Variants in SCG5 observed in about 807,000 individuals in gnomAD.
The protein encoded by SCG5 is secretogranin V, also known as neuroendocrine protein 7B2.
SCG5 carries 18 observed loss-of-function variants against 25.7 expected under a neutral mutation model. That is an observed-to-expected ratio of 0.70 (90% CI 0.48 to 1.04). SCG5 has a LOEUF of 1.04. Among genes scored for constraint, SCG5 ranks in the 50% least tolerant of loss-of-function variants. SCG5 has a pLI of 0.00. For missense variants in SCG5, 206 were observed against 259.8 expected, an observed-to-expected ratio of 0.79 and a Z score of 1.42; for synonymous variants, 101 against 91.7, an observed-to-expected ratio of 1.10 and a Z score of -0.58.
chr15:32,696,311 G>T (rs554209541), intron 5 of SCG5, among the ~76,000 whole-genome samples: 1 of 152,040 alleles, frequency 6.6e-6, no homozygotes, highest in Non-Finnish European at 1.5e-5. Flanking sequence ...TACAGACGGG[G>T]TTTCACCGTG....
intron 5 of SCG5, among the ~76,000 whole-genome samples, chr15:32,695,956 T>C (rs1231875714): frequency 1.3e-5 from 2 of 152,162 alleles, no homozygotes; most frequent in Non-Finnish European, 2.9e-5. Flanking sequence ...AAGAGCTCTA[T>C]AGTTGTGTGA....
chr15:32,663,032 A>AATATAT lies in SCG5; in HGVS notation c.227-16692_227-16687dup, dbSNP rs67571496. On this transcript the variant is annotated intron_variant, in intron 2 of 5. Transcript: ENST00000300175. ...AAGATTAGGGCTGTTAAAAAAAAAG[A>AATATAT]ATATATATATATATATATATATATA... Among the ~76,000 whole-genome samples, 223 of 79,108 alleles carry AATATAT rather than the reference A, an allele frequency of 2.8e-3. 1 individual carries two copies. The highest frequency in any genetic ancestry group is 6.5e-3 in the Middle Eastern group (1 of 154). The allele number at this position is 79,108 out of a possible 152,430, so 51.9% of individuals were successfully genotyped here.
chr15:32,664,965 G>T (rs1021332889), intron 2 of SCG5, among the ~76,000 whole-genome samples: 6 of 152,192 alleles, frequency 3.9e-5, no homozygotes, highest in African/African-American at 7.2e-5. Flanking sequence ...CCTCTAGGAG[G>T]TCTCCAGTTT....
chr15:32,691,145 G>A (rs1451330288), intron 4 of SCG5, among the ~76,000 whole-genome samples: 2 of 152,082 alleles, frequency 1.3e-5, no homozygotes, highest in African/African-American at 4.8e-5. Context: ...TTTCCTTTCT[G>A]CCAAGAAGTT....
intron 2 of SCG5, among the ~76,000 whole-genome samples, chr15:32,672,578 T>C (rs2054449047): frequency 6.6e-6 from 1 of 152,194 alleles, no homozygotes; most frequent in Non-Finnish European, 1.5e-5. Context: ...CTGAGTGACC[T>C]GGAAACTATG....
intron 2 of SCG5, among the ~76,000 whole-genome samples, chr15:32,652,443 G>A (rs915841108): frequency 6.6e-6 from 1 of 152,190 alleles, no homozygotes; most frequent in Non-Finnish European, 1.5e-5. Context: ...TAGGATGTGA[G>A]AAATTGAACT....
intron 5 of SCG5, among the ~76,000 whole-genome samples, chr15:32,693,069 T>G (rs1435506920): frequency 1.3e-5 from 2 of 152,168 alleles, no homozygotes; most frequent in Non-Finnish European, 2.9e-5. Flanking sequence ...AGAAATTCTA[T>G]TCTAGGAACT....
At chr15:32,691,635 T>G in intron 4 of SCG5, 75 bp from the exon 5 acceptor site, 1 of 1,160,006 alleles carries the variant, frequency 8.6e-7, no homozygotes, top group South Asian at 1.4e-5. Flanking sequence ...ACACCAAGTA[T>G]TGCTTTTAAA....
chr15:32,672,981 C>T (rs2054463422), intron 2 of SCG5: 1 of 150,384 alleles, frequency 6.6e-6, no homozygotes, highest in Non-Finnish European at 1.5e-5. Context: ...TTCTTAATTT[C>T]TGACCAACCT....
At chr15:32,653,187 G>A (rs116160387) in intron 2 of SCG5, among the ~76,000 whole-genome samples, 133 of 152,338 alleles carry the variant, frequency 8.7e-4, no homozygotes, top group African/African-American at 3.1e-3. Flanking sequence ...ATTCTAAACA[G>A]TGATCGGTAG....
intron 2 of SCG5, among the ~76,000 whole-genome samples, chr15:32,655,262 C>A (rs559670056): frequency 6.6e-6 from 1 of 151,470 alleles, no homozygotes; most frequent in East Asian, 1.9e-4. Context: ...GAGCCGAGAT[C>A]GTGCCACTGC....
intron 4 of SCG5, among the ~76,000 whole-genome samples, chr15:32,691,159 T>C (rs191437217): frequency 6.6e-6 from 1 of 152,286 alleles, no homozygotes; most frequent in East Asian, 1.9e-4. Flanking sequence ...AGAAGTTTTT[T>C]GGCAGTTTTT....
At chr15:32,643,874 T>C in intron 2 of SCG5, 56 bp downstream of exon 2, 1 of 1,456,972 alleles carries the variant, frequency 6.9e-7, no homozygotes, top group South Asian at 1.2e-5. Context: ...AATAATATAT[T>C]TGCACACTTC....
intron 2 of SCG5, among the ~76,000 whole-genome samples, chr15:32,654,797 A>AG (rs2054088510): frequency 6.6e-6 from 1 of 152,144 alleles, no homozygotes; most frequent in Non-Finnish European, 1.5e-5. Context: ...CACCCACTAA[A>AG]TATTTGTTGA....
intron 2 of SCG5, among the ~76,000 whole-genome samples, chr15:32,670,618 T>C (rs2140547674): frequency 6.6e-6 from 1 of 152,362 alleles, no homozygotes; most frequent in Non-Finnish European, 1.5e-5. Context: ...GTGTTCATTT[T>C]CCCATTATGG....
intron 3 of SCG5, among the ~76,000 whole-genome samples, chr15:32,683,390 A>G (rs1319505723): frequency 6.6e-6 from 1 of 152,160 alleles, no homozygotes. Flanking sequence ...TATATTAGAC[A>G]TGGGAAAAAT....
intron 2 of SCG5, among the ~76,000 whole-genome samples, chr15:32,647,768 G>A (rs760394917): frequency 6.6e-6 from 1 of 152,186 alleles, no homozygotes; most frequent in African/African-American, 2.4e-5. Context: ...GTAGCAGGGC[G>A]AGGAAATGTA....
intron 2 of SCG5, among the ~76,000 whole-genome samples, chr15:32,648,606 G>A (rs965821223): frequency 6.6e-6 from 1 of 151,772 alleles, no homozygotes; most frequent in African/African-American, 2.4e-5. Context: ...GAGTCACACC[G>A]GCCTCTTCCC....
intron 5 of SCG5, among the ~76,000 whole-genome samples, chr15:32,694,052 G>T (rs1040225410): frequency 2.6e-5 from 4 of 152,138 alleles, no homozygotes; most frequent in Admixed American, 1.3e-4. Context: ...GGAGTTTGCA[G>T]TGAGCCGAGA....
Sources: allele counts gnomAD v4.1 joint callset (sites outside exome capture counted in the v4.1 genomes callset), GRCh38; gene constraint gnomAD v4.1.1; transcripts MANE v1.5; gene names NCBI Gene and HGNC (gene_info 2026-07-23, HGNC 2026-07-21).